Variants in DLGAP2 observed in about 807,000 individuals in gnomAD.
The protein encoded by DLGAP2 is DLG associated protein 2, also known as disks large-associated protein 2.
In DLGAP2, 26 loss-of-function variants were observed where a neutral mutation model predicts 100.3. That is an observed-to-expected ratio of 0.26 (90% CI 0.19 to 0.36). The LOEUF (loss-of-function observed/expected upper bound fraction) is 0.36, where lower values mean the gene tolerates loss of function less well. DLGAP2 is among the 10% of genes least tolerant of loss of function. The pLI is 1.00. For synonymous variants in DLGAP2, 886 were observed against 630.1 expected (o/e 1.41, Z -6.08); for missense variants, 1,858 against 1,453.2 (o/e 1.28, Z -4.53).
At chr8:784,292 T>G (rs1463458316) in intron 1 of DLGAP2, among the ~76,000 whole-genome samples, 1 of 152,250 alleles carries the variant, frequency 6.6e-6, no homozygotes, top group Non-Finnish European at 1.5e-5. Context: ...CTAGAATCTT[T>G]CTCACAGAAA....
At chr8:1,080,946 G>A (rs948152847) in intron 2 of DLGAP2, among the ~76,000 whole-genome samples, 2 of 152,108 alleles carry the variant, frequency 1.3e-5, no homozygotes, top group African/African-American at 4.8e-5. Flanking sequence ...AAATGGAGAA[G>A]CCATCGATAT....
At chr8:1,683,553 G>C (rs1799014323) in intron 12 of DLGAP2, among the ~76,000 whole-genome samples, 1 of 151,118 alleles carries the variant, frequency 6.6e-6, no homozygotes, top group African/African-American at 2.4e-5. Flanking sequence ...TCAATGAAGT[G>C]GCCACATTTG....
chr8:937,873 T>C (rs192361232), intron 2 of DLGAP2, among the ~76,000 whole-genome samples: 66 of 152,258 alleles, frequency 4.3e-4, no homozygotes, highest in Admixed American at 4.1e-3. Flanking sequence ...TCCTGCCTTT[T>C]TGTGACTCTG....
intron 2 of DLGAP2, among the ~76,000 whole-genome samples, chr8:1,113,809 T>C (rs1805033936): frequency 6.6e-6 from 1 of 152,232 alleles, no homozygotes; most frequent in Non-Finnish European, 1.5e-5. Context: ...CTTTTACCTA[T>C]GCAGTATGAT....
chr8:1,077,634 A>G (rs1158624820), intron 2 of DLGAP2, among the ~76,000 whole-genome samples: 2 of 152,292 alleles, frequency 1.3e-5, no homozygotes, highest in Non-Finnish European at 1.5e-5. Context: ...GCCATACAAC[A>G]TTTGCTGGGA....
chr8:1,250,222 A>G (rs1262517829), intron 2 of DLGAP2, among the ~76,000 whole-genome samples: 1 of 151,892 alleles, frequency 6.6e-6, no homozygotes, highest in African/African-American at 2.4e-5. Context: ...ATCTGCCCCC[A>G]GAAACACCCC....
chr8:1,658,020 C>T (rs189961204), intron 8 of DLGAP2, among the ~76,000 whole-genome samples: 238 of 152,210 alleles, frequency 1.6e-3, no homozygotes, highest in African/African-American at 5.4e-3. Flanking sequence ...AGAATGCAAT[C>T]GGTTCTGTAC....
At chr8:1,126,214 C>T (rs911938563) in intron 2 of DLGAP2, among the ~76,000 whole-genome samples, 1 of 152,224 alleles carries the variant, frequency 6.6e-6, no homozygotes, top group African/African-American at 2.4e-5. Context: ...CATGGATTTT[C>T]ACAGCCCTGT....
chr8:1,263,808 C>T (rs569138996), intron 3 of DLGAP2, among the ~76,000 whole-genome samples: 2 of 152,220 alleles, frequency 1.3e-5, no homozygotes, highest in Middle Eastern at 3.4e-3. Flanking sequence ...AAGACAGCTG[C>T]CACCCTGTCT....
chr8:1,627,025 C>G (rs969697980), intron 7 of DLGAP2, 138 bp downstream of exon 7: 2 of 1,051,886 alleles, frequency 1.9e-6, no homozygotes, highest in Non-Finnish European at 2.7e-6. Context: ...AAAGGGGGTT[C>G]CCCTGGAATT....
At chr8:1,699,102 G>T (rs937360523) in intron 14 of DLGAP2, among the ~76,000 whole-genome samples, 12 of 152,252 alleles carry the variant, frequency 7.9e-5, no homozygotes, top group Non-Finnish European at 1.8e-4. Context: ...CAAACGGAAC[G>T]TACTGAAGTT....
chr8:1,486,262 A>C (rs1237158434), intron 3 of DLGAP2, among the ~76,000 whole-genome samples: 3 of 152,188 alleles, frequency 2.0e-5, no homozygotes, highest in Non-Finnish European at 4.4e-5. Flanking sequence ...TCAAGCCTGC[A>C]TATTACGGCA....
intron 1 of DLGAP2, among the ~76,000 whole-genome samples, chr8:839,029 A>G (rs569915035): frequency 1.3e-5 from 2 of 152,342 alleles, no homozygotes; most frequent in African/African-American, 4.8e-5. Flanking sequence ...ATATGACCAC[A>G]GTGGGATATC....
intron 2 of DLGAP2, among the ~76,000 whole-genome samples, chr8:977,200 C>T (rs1286292184): frequency 6.6e-6 from 1 of 152,234 alleles, no homozygotes; most frequent in Non-Finnish European, 1.5e-5. Flanking sequence ...TGTAGACCAG[C>T]CCTACAGTGG....
chr8:1,657,128 T>G (rs4260917), intron 8 of DLGAP2, among the ~76,000 whole-genome samples: 49,874 of 152,056 alleles, frequency 0.33, 8,404 homozygotes, highest in East Asian at 0.48. Flanking sequence ...GGTCAGGTCT[T>G]CAGAAACTTT....
intron 2 of DLGAP2, among the ~76,000 whole-genome samples, chr8:970,438 CA>C (rs1327207707): frequency 1.3e-5 from 2 of 152,152 alleles, no homozygotes; most frequent in Non-Finnish European, 1.5e-5. Flanking sequence ...ATCAGCCCAC[CA>C]GTGCTTAAGG....
chr8:1,617,194 G>T (rs943887092), intron 6 of DLGAP2, among the ~76,000 whole-genome samples: 1 of 152,152 alleles, frequency 6.6e-6, no homozygotes, highest in Non-Finnish European at 1.5e-5. Context: ...CAATGAATGT[G>T]CATGTGTTTT....
At chr8:1,359,493 C>G (rs1471671214) in intron 3 of DLGAP2, among the ~76,000 whole-genome samples, 1 of 152,274 alleles carries the variant, frequency 6.6e-6, no homozygotes, top group East Asian at 1.9e-4. Context: ...TGCCACTGGC[C>G]TAGCCTCCTG....
intron 3 of DLGAP2, among the ~76,000 whole-genome samples, chr8:1,475,187 G>A (rs1050882701): frequency 1.6e-4 from 25 of 152,096 alleles, no homozygotes; most frequent in Admixed American, 1.5e-3. Context: ...ACACAGAGAC[G>A]GGAACAAGAC....
Sources: allele counts gnomAD v4.1 joint callset (sites outside exome capture counted in the v4.1 genomes callset), GRCh38; gene constraint gnomAD v4.1.1; transcripts MANE v1.5; gene names NCBI Gene and HGNC (gene_info 2026-07-23, HGNC 2026-07-21).